TUB: variants seen among roughly 807,000 people sequenced by gnomAD.
TUB encodes tubby protein homolog.
In TUB, 33 loss-of-function variants were observed where a neutral mutation model predicts 59.7. That is an observed-to-expected ratio of 0.55 (90% CI 0.42 to 0.74). The LOEUF is 0.74. TUB is among the 30% of genes least tolerant of loss of function. The probability of loss-of-function intolerance (pLI) is 0.00; values close to 1 mark genes in which losing one functional copy is unlikely to be tolerated. For missense variants in TUB, 659 were observed against 672.0 expected (o/e 0.98, Z 0.21); for synonymous variants, 293 against 256.4 (o/e 1.14, Z -1.36).
At chr11:8,058,496 G>A (rs899514183) in intron 2 of TUB, among the ~76,000 whole-genome samples, 3 of 152,160 alleles carry the variant, frequency 2.0e-5, no homozygotes, top group African/African-American at 7.2e-5. Context: ...TTATTGTTTT[G>A]TTGATTGTCT....
At chr11:8,095,747 TC>T (rs750533308) in intron 5 of TUB, 82 bp downstream of exon 5, 13 of 1,445,934 alleles carry the variant, frequency 9.0e-6, no homozygotes, top group Non-Finnish European at 1.2e-5. Flanking sequence ...AGCATGGCCT[TC>T]CTGTGTCCAA....
intron 1 of TUB, among the ~76,000 whole-genome samples, chr11:8,089,272 T>A (rs2133831256): frequency 6.6e-6 from 1 of 152,192 alleles, no homozygotes; most frequent in South Asian, 2.1e-4. Context: ...GGGCCTGGCT[T>A]GTTGCTGGGA....
intron 2 of TUB, among the ~76,000 whole-genome samples, chr11:8,043,299 T>C (rs1392176252): frequency 6.6e-6 from 1 of 152,226 alleles, no homozygotes; most frequent in Admixed American, 6.5e-5. Context: ...TGTCTATCTT[T>C]ATACCAGTAC....
At chr11:8,026,542 A>G (rs1356943842) in intron 1 of TUB, among the ~76,000 whole-genome samples, 1 of 150,548 alleles carries the variant, frequency 6.6e-6, no homozygotes, top group Non-Finnish European at 1.5e-5. Flanking sequence ...TTTTCTGCTA[A>G]ATTGCCTTTG....
intron 2 of TUB, among the ~76,000 whole-genome samples, chr11:8,064,030 A>G (rs1256681670): frequency 6.6e-6 from 1 of 152,194 alleles, no homozygotes; most frequent in Non-Finnish European, 1.5e-5. Flanking sequence ...CCACAGGGAT[A>G]TGGCAGGATC....
upstream of TUB, among the ~76,000 whole-genome samples, chr11:8,080,080 C>T (rs1943516480): frequency 6.6e-6 from 1 of 152,150 alleles, no homozygotes; most frequent in African/African-American, 2.4e-5. Flanking sequence ...TGGCTGTAGC[C>T]CCAGGGCAGC....
At chr11:8,045,521 GT>G (rs1390248112) in intron 2 of TUB, among the ~76,000 whole-genome samples, 12 of 152,168 alleles carry the variant, frequency 7.9e-5, no homozygotes, top group African/African-American at 2.9e-4. Flanking sequence ...TAAGTTACAG[GT>G]TGAGTATCCG....
rs903650886 is a variant in TUB, at chr11:8,105,152, C to T, written c.*3533C>T. 4 of 152,320 alleles carry T rather than the reference C, an allele frequency of 2.6e-5. No individual in the cohort carries two copies. The highest frequency in any genetic ancestry group is 1.9e-4 in the East Asian group (1 of 5,188). The allele number at this position is 152,320 out of a possible 1,614,324, so 9.4% of individuals were successfully genotyped here. The stretch of plus-strand genomic sequence containing the variant: ...CAAATTTCATCTCCTAGATGGACTT[C>T]CTGGTTTTCTCTTACTGCAGTAACA... On this transcript the variant is annotated 3_prime_UTR_variant, in exon 12 of 12. Transcript: ENST00000299506.
chr11:8,071,473 A>T (rs1943358980), intron 2 of TUB, among the ~76,000 whole-genome samples: 1 of 152,198 alleles, frequency 6.6e-6, no homozygotes, highest in Non-Finnish European at 1.5e-5. Flanking sequence ...ATGGTCATAT[A>T]GGAGGCTGGG....
At chr11:8,083,545 C>T (rs1232262053) in intron 1 of TUB, among the ~76,000 whole-genome samples, 1 of 152,150 alleles carries the variant, frequency 6.6e-6, no homozygotes, top group Non-Finnish European at 1.5e-5. Context: ...GCCTAGGGCC[C>T]TGGCATCCTG....
At chr11:8,042,125 T>G (rs1327787478) in intron 2 of TUB, among the ~76,000 whole-genome samples, 1 of 150,962 alleles carries the variant, frequency 6.6e-6, no homozygotes. Context: ...ATTTGCAGTC[T>G]CCCCCTTTTC....
At chr11:8,062,715 G>C (rs1219625390) in intron 2 of TUB, among the ~76,000 whole-genome samples, 1 of 152,092 alleles carries the variant, frequency 6.6e-6, no homozygotes, top group Admixed American at 6.5e-5. Flanking sequence ...ACATTCCCAG[G>C]CTCTGCCCAC....
intron 2 of TUB, chr11:8,067,296 C>T (rs1188983135): frequency 6.6e-6 from 1 of 152,226 alleles, no homozygotes; most frequent in East Asian, 1.9e-4. Context: ...ACAGGGAGTC[C>T]TGCAGCCCCA....
intron 1 of TUB, among the ~76,000 whole-genome samples, chr11:8,032,490 A>G (rs1942589189): frequency 6.6e-6 from 1 of 152,188 alleles, no homozygotes; most frequent in African/African-American, 2.4e-5. Flanking sequence ...TTTATTGGAA[A>G]ACAGACACAT....
chr11:8,070,409 A>G (rs1943339517), intron 2 of TUB, among the ~76,000 whole-genome samples: 1 of 152,028 alleles, frequency 6.6e-6, no homozygotes. Context: ...GATCTTTTTC[A>G]TTCTCATTTT....
At chr11:8,069,788 A>G (rs1241520136) in intron 2 of TUB, among the ~76,000 whole-genome samples, 2 of 152,054 alleles carry the variant, frequency 1.3e-5, no homozygotes, top group Non-Finnish European at 1.5e-5. Flanking sequence ...TGCCCTAATC[A>G]TGGGCATCCA....
chr11:8,100,746 C>G (rs923677009), intron 10 of TUB, 80 bp from the exon 11 acceptor site: 5 of 1,583,406 alleles, frequency 3.2e-6, no homozygotes, highest in Non-Finnish European at 4.3e-6. Flanking sequence ...CAAGGACCCC[C>G]ATTCCCGGGA....
chr11:8,094,154 G>C lies in TUB; in HGVS notation c.362G>C (p.Gly121Ala). The C allele has an allele frequency of 6.2e-7, 1 of 1,613,978 alleles. No individual in the cohort carries two copies. The highest frequency in any genetic ancestry group is 8.5e-7 in the Non-Finnish European group (1 of 1,179,956). The change falls in exon 4 of 12, where the codon GGC becomes GCC. Residue 121 changes from glycine to alanine, a missense_variant. Physicochemically the swap from Gly to Ala is moderately conservative, Grantham distance 60. Around this residue, in one of 3 missense-constraint regions of TUB, gnomAD observed 321 missense variants for 304.3 expected, o/e 1.05. Transcript: ENST00000299506. ...KAAATAGGQG[G>A]AARKEKKGKH... ...GCAGCTACAGCAGGGGGCCAGGGTGGCGCCGCTAGGAAGGAGAAGAAGGGA... is the reference window on the plus strand; with the variant it reads ...GCAGCTACAGCAGGGGGCCAGGGTGCCGCCGCTAGGAAGGAGAAGAAGGGA...
At chr11:8,049,557 T>C (rs962138306) in intron 2 of TUB, among the ~76,000 whole-genome samples, 2 of 48,882 alleles carry the variant, frequency 4.1e-5, no homozygotes, top group African/African-American at 1.3e-4. Flanking sequence ...GGTGGTATTA[T>C]GTGGTATATA....
Sources: allele counts gnomAD v4.1 joint callset (sites outside exome capture counted in the v4.1 genomes callset), GRCh38; gene constraint gnomAD v4.1.1; regional missense constraint gnomAD v4.1.1; transcripts MANE v1.5; gene names NCBI Gene and HGNC (gene_info 2026-07-23, HGNC 2026-07-21).